KHDRBS2: variants seen among roughly 807,000 people sequenced by gnomAD.
KHDRBS2 encodes the protein KH domain-containing, RNA-binding, signal transduction-associated protein 2.
Under a neutral mutation model 44.3 loss-of-function variants are expected in KHDRBS2, and 26 were observed. The observed-to-expected ratio is 0.59, with a 90% CI of 0.43 to 0.81. KHDRBS2 has a LOEUF of 0.81. Among genes scored for constraint, KHDRBS2 ranks in the 40% least tolerant of loss-of-function variants. The pLI is 0.00. For synonymous variants in KHDRBS2, 194 were observed against 151.1 expected (o/e 1.28, Z -2.08); for missense variants, 476 against 433.1 (o/e 1.10, Z -0.88).
Position 61,924,716 on chromosome 6 carries a change from A to G in KHDRBS2, c.484-23345T>C, listed in dbSNP as rs1406627750. Among the ~76,000 whole-genome samples the G allele has an allele frequency of 2.6e-5, 4 of 151,926 alleles. No homozygotes were observed. The East Asian group carries it at 7.7e-4, about 29-fold the overall frequency. On this transcript the variant is annotated intron_variant, in intron 4 of 8. Coordinates refer to ENST00000281156, the MANE Select transcript of KHDRBS2 (RefSeq NM_152688.4). ...ACTGGCAAAAACTAAGGTCATATAA[A>G]TATTTTCTTATATTCTATTTAATAT...
At position 61,832,122 on chromosome 6, in the gene KHDRBS2, G is replaced by A. The variant is rs115471227; in HGVS notation, c.810+62513C>T. On this transcript the variant is annotated intron_variant, in intron 6 of 8. Transcript: ENST00000281156. ...GCTGGCACACATCTGTGGTCCCAGCGACACAGGAGGCTGAGGCAGGAGGAT... is the reference window on the plus strand; with the variant it reads ...GCTGGCACACATCTGTGGTCCCAGCAACACAGGAGGCTGAGGCAGGAGGAT... Among the ~76,000 whole-genome samples, 756 of 152,108 alleles carry A rather than the reference G, an allele frequency of 5.0e-3. 5 individuals carry two copies. The highest frequency in any genetic ancestry group is 7.3e-3 in the Non-Finnish European group (493 of 67,970).
chr6:62,017,065 C>T (rs1781345941), intron 3 of KHDRBS2, among the ~76,000 whole-genome samples: 1 of 152,064 alleles, frequency 6.6e-6, no homozygotes, highest in Admixed American at 6.6e-5. Context: ...ACTTCCTCAT[C>T]GCTGGTTTTG....
At chr6:62,186,649 T>C (rs1380418845) in intron 1 of KHDRBS2, among the ~76,000 whole-genome samples, 1 of 151,946 alleles carries the variant, frequency 6.6e-6, no homozygotes, top group African/African-American at 2.4e-5. Context: ...GAATAGGGTG[T>C]GGTATAAATT....
intron 2 of KHDRBS2, among the ~76,000 whole-genome samples, chr6:62,084,072 G>A (rs1797945463): frequency 1.3e-5 from 2 of 152,038 alleles, no homozygotes; most frequent in African/African-American, 4.8e-5. Context: ...CCTCCAATTA[G>A]TACAAATTTT....
chr6:61,682,167 A>C (rs1766377429), intron 8 of KHDRBS2, among the ~76,000 whole-genome samples: 1 of 151,960 alleles, frequency 6.6e-6, no homozygotes, highest in Non-Finnish European at 1.5e-5. Context: ...GAGAAAGACT[A>C]CTAGAAAAGC....
At chr6:62,122,782 C>T (rs1420361708) in intron 2 of KHDRBS2, among the ~76,000 whole-genome samples, 2 of 149,604 alleles carry the variant, frequency 1.3e-5, no homozygotes, top group Non-Finnish European at 1.5e-5. Flanking sequence ...TGAGTGGAGG[C>T]CAGTTTTAAA....
At chr6:62,113,131 T>C (rs535218389) in intron 2 of KHDRBS2, among the ~76,000 whole-genome samples, 164 of 152,264 alleles carry the variant, frequency 1.1e-3, no homozygotes, top group African/African-American at 3.7e-3. Flanking sequence ...AAGGGAACTG[T>C]GTCACTATAA....
chr6:62,236,997 A>G (rs529114614), intron 1 of KHDRBS2, among the ~76,000 whole-genome samples: 6 of 152,304 alleles, frequency 3.9e-5, no homozygotes, highest in Non-Finnish European at 7.4e-5. Flanking sequence ...TTGAGCTTCA[A>G]TAACTATCTT....
At chr6:61,929,690 A>G (rs1308537022) in intron 4 of KHDRBS2, among the ~76,000 whole-genome samples, 1 of 152,220 alleles carries the variant, frequency 6.6e-6, no homozygotes, top group Non-Finnish European at 1.5e-5. Flanking sequence ...CTGAAATATA[A>G]CAAAAAACAC....
chr6:61,954,226 T>A (rs972433152), intron 4 of KHDRBS2, among the ~76,000 whole-genome samples: 1 of 151,820 alleles, frequency 6.6e-6, no homozygotes. Flanking sequence ...ACTCAGTCAA[T>A]AGGGATGTGT....
At chr6:61,583,702 T>A in the KHDRBS2 span, among the ~76,000 whole-genome samples, 1 of 151,580 alleles carries the variant, frequency 6.6e-6, no homozygotes, top group African/African-American at 2.4e-5. Flanking sequence ...AGTTCCTTTG[T>A]TTTTTTAAAA....
At chr6:61,900,336 C>T (rs909087964) in intron 5 of KHDRBS2, among the ~76,000 whole-genome samples, 1 of 151,962 alleles carries the variant, frequency 6.6e-6, no homozygotes, top group African/African-American at 2.4e-5. Flanking sequence ...TGAAAAGTAT[C>T]TTAGCATATC....
In KHDRBS2 at chr6:62,177,300, A is replaced by G; in HGVS notation, c.104T>C (p.Phe35Ser). 1 of 1,594,228 alleles carries G rather than the reference A, an allele frequency of 6.3e-7. No homozygotes were observed. The highest frequency in any genetic ancestry group is 1.1e-5 in the South Asian group (1 of 89,342). Reference protein sequence around the residue: ...SRLLAEEIEKFQGSDGKKEDE... With the variant: ...SRLLAEEIEKSQGSDGKKEDE... ...TTCCTTTTTTCCATCAGAACCTTGA[A>G]ACTTTTCAATTTCTGGAAGAAAATC... The change falls in exon 2 of 9, where the codon TTT becomes TCT. Residue 35 changes from phenylalanine to serine, a missense_variant. Transcript: ENST00000281156.
At chr6:61,702,687 T>C (rs891244629) in intron 7 of KHDRBS2, among the ~76,000 whole-genome samples, 7 of 151,970 alleles carry the variant, frequency 4.6e-5, no homozygotes, top group Admixed American at 3.3e-4. Context: ...TGTCCACTTA[T>C]ATTGACAGCA....
chr6:61,983,238 T>TTCTTTTTTTC (rs763690404), intron 3 of KHDRBS2, among the ~76,000 whole-genome samples: 1 of 81,038 alleles, frequency 1.2e-5, no homozygotes, highest in African/African-American at 4.2e-5. Context: ...CTTTCTTTCT[T>TTCTTTTTTTC]TTTTTTTTTT....
chr6:61,566,718 G>A, the KHDRBS2 span, among the ~76,000 whole-genome samples: 7 of 96,642 alleles, frequency 7.2e-5, no homozygotes, highest in East Asian at 5.6e-4. Context: ...AAAAACGTTC[G>A]CTCTTTTTTT....
chr6:61,791,106 A>C (rs1784574198), intron 6 of KHDRBS2, among the ~76,000 whole-genome samples: 1 of 151,436 alleles, frequency 6.6e-6, no homozygotes, highest in South Asian at 2.1e-4. Flanking sequence ...TCTCCTTAGC[A>C]AATTTTATTA....
Position 62,180,292 on chromosome 6 carries a change from C to T in KHDRBS2, c.92-2980G>A, listed in dbSNP as rs140243071. On this transcript the variant is annotated intron_variant, in intron 1 of 8. Transcript: ENST00000281156. ...TTGACATGATCTGATATGTAGGAAA[C>T]GCCTAAAGACTTCACGTAAAAACTA... Among the ~76,000 whole-genome samples, 383 of 151,890 alleles carry T rather than the reference C, an allele frequency of 2.5e-3. 3 individuals are homozygous for T. Among genetic ancestry groups the T allele is most frequent in the African/African-American group, 8.5e-3 (351 of 41,486 alleles).
At position 61,697,142 on chromosome 6, in the gene KHDRBS2, C is replaced by T. The variant is rs564170075; in HGVS notation, c.952+53G>A. On this transcript the variant is annotated intron_variant, in intron 8 of 8. Transcript: ENST00000281156. ...AAGATGGAAATAATGTTTGAATTGT[C>T]GGTGACTGATGGATGTTCCGATTTC... The T allele has an allele frequency of 1.0e-4, 111 of 1,103,686 alleles. 1 individual carries two copies. Among genetic ancestry groups the T allele is most frequent in the East Asian group, 8.7e-4 (37 of 42,420 alleles). 68.4% of individuals were successfully genotyped at this position (1,103,686 alleles called of 1,614,324 possible). A position where few individuals can be genotyped will look rare whatever the true frequency, so the allele number is the denominator to read the frequency against.
Sources: gnomAD v4.1 joint callset for allele counts (sites outside exome capture counted in the v4.1 genomes callset) on GRCh38, gnomAD v4.1.1 for gene constraint, MANE v1.5 for transcripts, NCBI Gene and HGNC (gene_info 2026-07-23, HGNC 2026-07-21) for gene names.